Variants in ANO3 observed in about 807,000 individuals in gnomAD.
ANO3 encodes the protein anoctamin-3.
ANO3 carries 99 observed loss-of-function variants against 144.8 expected under a neutral mutation model. The ratio of observed to expected loss-of-function variants is 0.68; its 90% CI spans 0.58 to 0.81. ANO3 has a LOEUF of 0.81. Ranked by LOEUF, ANO3 falls within the 30% of genes least tolerant of loss-of-function variation. ANO3 has a pLI of 0.00. For synonymous variants in ANO3, 414 were observed against 392.6 expected (o/e 1.05, Z -0.64); for missense variants, 905 against 1,202.2 (o/e 0.75, Z 3.66).
At chr11:26,277,607 A>G (rs1196917106) in intron 1 of ANO3, among the ~76,000 whole-genome samples, 1 of 152,030 alleles carries the variant, frequency 6.6e-6, no homozygotes, top group Non-Finnish European at 1.5e-5. Context: ...TAGAGAAGTC[A>G]TATCTTTTCA....
At chr11:26,308,847 C>G (rs2133868955), upstream of ANO3, among the ~76,000 whole-genome samples, 1 of 152,214 alleles carries the variant, frequency 6.6e-6, no homozygotes, top group African/African-American at 2.4e-5. Context: ...AGGATCTATC[C>G]CAGGGATTTA....
chr11:26,503,483 A>G (rs1211598733), intron 4 of ANO3, among the ~76,000 whole-genome samples: 1 of 152,270 alleles, frequency 6.6e-6, no homozygotes, highest in African/African-American at 2.4e-5. Context: ...GTATACCACT[A>G]TTAACCTTAA....
intron 12 of ANO3, among the ~76,000 whole-genome samples, chr11:26,551,677 T>G (rs575250671): frequency 6.6e-6 from 1 of 152,160 alleles, no homozygotes. Context: ...CAGGACAAAT[T>G]GTATCATTTG....
At chr11:26,434,728 A>G (rs1057458876) in intron 1 of ANO3, among the ~76,000 whole-genome samples, 1 of 152,058 alleles carries the variant, frequency 6.6e-6, no homozygotes, top group Non-Finnish European at 1.5e-5. Context: ...ATGTAATTGC[A>G]TGGTTTTGAG....
At chr11:26,403,818 T>G (rs905643371) in intron 1 of ANO3, among the ~76,000 whole-genome samples, 2 of 151,828 alleles carry the variant, frequency 1.3e-5, no homozygotes, top group African/African-American at 4.8e-5. Context: ...TTATTCCTCC[T>G]TGAACATTTC....
chr11:26,496,374 A>G (rs1415969353), intron 4 of ANO3, among the ~76,000 whole-genome samples: 1 of 152,158 alleles, frequency 6.6e-6, no homozygotes, highest in Non-Finnish European at 1.5e-5. Flanking sequence ...TAGGACACAA[A>G]AAAGTGCTAA....
chr11:26,316,020 G>T (rs1250105014), intron 1 of ANO3, among the ~76,000 whole-genome samples: 1 of 152,144 alleles, frequency 6.6e-6, no homozygotes, highest in East Asian at 1.9e-4. Context: ...GAGAACAGAA[G>T]GGGTAAATAG....
chr11:26,580,388 T>C (rs1243787134), intron 14 of ANO3, among the ~76,000 whole-genome samples: 1 of 152,216 alleles, frequency 6.6e-6, no homozygotes, highest in East Asian at 1.9e-4. Flanking sequence ...TTACGTACAT[T>C]TTTAAGATTG....
chr11:26,196,921 TAAGA>T (rs915667386), intron 1 of ANO3, among the ~76,000 whole-genome samples: 8 of 152,108 alleles, frequency 5.3e-5, no homozygotes, highest in Non-Finnish European at 8.8e-5. Flanking sequence ...AAAAACTCAT[TAAGA>T]GAGAATAAAA....
intron 14 of ANO3, among the ~76,000 whole-genome samples, chr11:26,581,539 A>C (rs1176974201): frequency 1.3e-5 from 2 of 152,016 alleles, no homozygotes; most frequent in African/African-American, 4.8e-5. Flanking sequence ...AAATACAAAA[A>C]TTAGCTGGGC....
intron 3 of ANO3, among the ~76,000 whole-genome samples, chr11:26,454,853 C>T (rs995056942): frequency 2.0e-5 from 3 of 151,644 alleles, no homozygotes; most frequent in Non-Finnish European, 4.4e-5. Flanking sequence ...AATCCAGCAG[C>T]ACATCAAAAA....
chr11:26,599,570 A>C lies in ANO3; in HGVS notation c.1692A>C (p.Ala564=), dbSNP rs11604868. ...IFFMISLVIT[A]VFGVVVYRLV... is the part of the protein sequence containing the mutation. ...TGTAGATATCCTTGGTGATCACTGC[A>C]GTGTTTGGAGTTGTGGTGTACCGCC... The change falls in exon 17 of 27, where the codon GCA becomes GCC. Residue 564 remains alanine (A), a synonymous_variant. Coordinates refer to ENST00000256737, the MANE Select transcript of ANO3 (RefSeq NM_031418.4). 0.17 allele frequency: 281,758 copies of C among 1,613,422 alleles called. 26,076 individuals are homozygous for C. The highest frequency in any genetic ancestry group is 0.32 in the East Asian group (14,422 of 44,844).
chr11:26,574,704 C>T (rs1362116603), intron 14 of ANO3, among the ~76,000 whole-genome samples: 1 of 151,954 alleles, frequency 6.6e-6, no homozygotes, highest in Non-Finnish European at 1.5e-5. Context: ...AGGGATTATT[C>T]TCATAAATGC....
rs139308840 is a variant in ANO3, at chr11:26,251,617, C to T, written c.155-58028C>T. On this transcript the variant is annotated intron_variant, in intron 1 of 27. Coordinates refer to the ANO3 transcript ENST00000672621. ...TAGTGAGTGTATCAGTCCATTCTCA[C>T]ACTGCTATAACGAAATACCCAAGAC... Among the ~76,000 whole-genome samples the T allele has an allele frequency of 2.4e-3, 371 of 152,262 alleles. 8 individuals are homozygous for T. Among genetic ancestry groups the T allele is most frequent in the Admixed American group, 0.022 (336 of 15,296 alleles).
At chr11:26,450,999 C>A (rs1042313646) in intron 3 of ANO3, among the ~76,000 whole-genome samples, 1 of 152,168 alleles carries the variant, frequency 6.6e-6, no homozygotes, top group Admixed American at 6.5e-5. Flanking sequence ...CTGATGCTTA[C>A]ATGCAAACAA....
intron 1 of ANO3, among the ~76,000 whole-genome samples, chr11:26,258,672 A>C (rs904007158): frequency 1.3e-5 from 2 of 152,200 alleles, no homozygotes; most frequent in Non-Finnish European, 2.9e-5. Flanking sequence ...CTAACATGTT[A>C]GTTCATTCCT....
chr11:26,383,286 C>G (rs538146861), intron 1 of ANO3, among the ~76,000 whole-genome samples: 14 of 151,968 alleles, frequency 9.2e-5, no homozygotes, highest in African/African-American at 3.1e-4. Context: ...AACAATGAAG[C>G]TTAATTTTTT....
chr11:26,366,042 C>T (rs1348636236), intron 1 of ANO3, among the ~76,000 whole-genome samples: 10 of 144,848 alleles, frequency 6.9e-5, no homozygotes, highest in South Asian at 4.4e-4. Context: ...ATGCACATAA[C>T]GTGCAGGTTT....
intron 5 of ANO3, among the ~76,000 whole-genome samples, chr11:26,513,840 G>C (rs1264490566): frequency 6.6e-6 from 1 of 152,178 alleles, no homozygotes; most frequent in East Asian, 1.9e-4. Flanking sequence ...ATATAGATTG[G>C]TTTTTGTTTG....
Sources: gnomAD v4.1 joint callset for allele counts (sites outside exome capture counted in the v4.1 genomes callset) on GRCh38, gnomAD v4.1.1 for gene constraint, MANE v1.5 for transcripts, NCBI Gene and HGNC (gene_info 2026-07-23, HGNC 2026-07-21) for gene names.